Variants in COL6A2 observed in about 807,000 individuals in gnomAD.
COL6A2 encodes collagen alpha-2(VI) chain.
In COL6A2, 90 loss-of-function variants were observed where a neutral mutation model predicts 124.9. The observed-to-expected ratio is 0.72, with a 90% CI of 0.61 to 0.86. The LOEUF is 0.86. Ranked by LOEUF, COL6A2 falls within the 40% of genes least tolerant of loss-of-function variation. The pLI is 0.00. For missense variants in COL6A2, 1,607 were observed against 1,502.5 expected (o/e 1.07, Z -1.15); for synonymous variants, 793 against 618.2 (o/e 1.28, Z -4.19).
rs1163833370 is a variant in COL6A2 at position 46,116,147 on chromosome 21, G to C, written c.900+94G>C. 1.5e-6 allele frequency: 2 copies of C among 1,325,832 alleles called. No homozygotes were observed. The highest frequency in any genetic ancestry group is 2.1e-6 in the Non-Finnish European group (2 of 944,906). 82.1% of individuals were successfully genotyped at this position (1,325,832 alleles called of 1,614,324 possible). On this transcript the variant is annotated intron_variant, in intron 7 of 27. Coordinates refer to ENST00000300527, the MANE Select transcript of COL6A2 (RefSeq NM_001849.4). This position sits in a 1 kb window ranked among gnomAD's most constrained non-coding sequence, Gnocchi z 4.6. ...GCCCAGCCTCGGCCTCAGCCTCTAC[G>C]ACCCTCCCCCCAGTTACCAAGGAAC...
intron 27 of COL6A2, among the ~76,000 whole-genome samples, chr21:46,130,575 C>T (rs765544391): frequency 1.3e-5 from 2 of 151,922 alleles, no homozygotes; most frequent in Non-Finnish European, 1.5e-5. Context: ...ACAGACATCC[C>T]AACAGCCTCA....
At position 46,132,069 on chromosome 21, in the gene COL6A2, G is replaced by A. The variant is rs753551405; in HGVS notation, c.2577G>A (p.Val859=). 11 of 1,604,292 alleles carry A rather than the reference G, an allele frequency of 6.9e-6. No individual in the cohort carries two copies. The East Asian group carries it at 9.0e-5, about 13-fold the overall frequency. The stretch of plus-strand genomic sequence containing the variant: ...AGGCCCGGCGCTTCGTGGAGCAGGT[G>A]GCGCGGCGGCTGACGCTGGCCCGGA... The part of the protein sequence containing the change: ...FHKARRFVEQ[V]ARRLTLARRD... Residue 859 remains valine, a synonymous_variant, in exon 28 of 28, where the codon GTG becomes GTA. Coordinates refer to ENST00000300527, the MANE Select transcript of COL6A2 (RefSeq NM_001849.4).
chr21:46,100,980 C>G (rs2078282446), intron 1 of COL6A2, among the ~76,000 whole-genome samples: 1 of 152,160 alleles, frequency 6.6e-6, no homozygotes, highest in African/African-American at 2.4e-5. Context: ...CTCACTGTTT[C>G]CCACGGTGGC....
At chr21:46,118,708 A>T (rs775824199) in intron 13 of COL6A2, 32 bp downstream of exon 13, 5 of 1,593,378 alleles carry the variant, frequency 3.1e-6, no homozygotes, top group South Asian at 1.1e-5. Context: ...CCTGCAGCTG[A>T]GCTGGCCACA....
chr21:46,118,996 C>A (rs776673317), intron 13 of COL6A2, 34 bp from the exon 14 acceptor site: 2 of 1,519,078 alleles, frequency 1.3e-6, no homozygotes, highest in Non-Finnish European at 1.8e-6. Flanking sequence ...GGGCCCCTGC[C>A]TCTGGGTGAC....
chr21:46,105,580 G>C (rs2078327610), intron 1 of COL6A2, among the ~76,000 whole-genome samples: 1 of 152,134 alleles, frequency 6.6e-6, no homozygotes, highest in South Asian at 2.1e-4. Flanking sequence ...ATAACTAAAA[G>C]GGTTGGGGAC....
At chr21:46,129,792 C>A in intron 27 of COL6A2, 1 of 1,251,964 alleles carries the variant, frequency 8.0e-7, no homozygotes, top group Admixed American at 3.8e-5. Context: ...TCGCAAGACC[C>A]TTAACTCACT....
At chr21:46,131,875 G>T (rs1462469744) in intron 27 of COL6A2, 79 bp from the exon 28 acceptor site, 1 of 1,354,110 alleles carries the variant, frequency 7.4e-7, no homozygotes, top group Non-Finnish European at 1.0e-6. Context: ...GCGAATGGAA[G>T]GGCACAGGTG....
At chr21:46,113,675 C>A in intron 4 of COL6A2, 2 of 423,750 alleles carry the variant, frequency 4.7e-6, no homozygotes, top group South Asian at 2.2e-5. Context: ...TCCTCCCTGC[C>A]TCGGCCTACC....
In COL6A2 at chr21:46,117,883, G is replaced by A. The variant is rs794727061; in HGVS notation, c.1063G>A (p.Gly355Ser). 8 of 1,611,948 alleles carry A rather than the reference G, an allele frequency of 5.0e-6. No homozygotes were observed. Among genetic ancestry groups the A allele is most frequent in the Non-Finnish European group, 6.8e-6 (8 of 1,179,648 alleles). Residue 355 changes from glycine to serine, a missense_variant, in exon 12 of 28, where the codon GGT (glycine) becomes AGT (serine). By Grantham distance (56) the Gly-to-Ser change is moderately conservative (BLOSUM62 0). Coordinates refer to ENST00000300527, the MANE Select transcript of COL6A2 (RefSeq NM_001849.4). ...KGDPGNRGPD[G>S]YPGEAGSPGE... is the part of the protein sequence containing the mutation. ...CTCACTCCTCTCTCAGGGCCCCGAC[G>A]GTTACCCGGGGGAAGCAGGGAGTCC...
chr21:46,122,959 C>T (rs369154255), intron 21 of COL6A2, 22 bp downstream of exon 21: 10 of 1,610,436 alleles, frequency 6.2e-6, no homozygotes, highest in Non-Finnish European at 8.5e-6. Flanking sequence ...CGTCCCGAAG[C>T]CCACAGCAGC....
At chr21:46,101,021 A>G (rs1441456803) in intron 1 of COL6A2, among the ~76,000 whole-genome samples, 1 of 152,178 alleles carries the variant, frequency 6.6e-6, no homozygotes, top group Non-Finnish European at 1.5e-5. Flanking sequence ...CCAACAGTGC[A>G]CAAGGGTCCA....
In COL6A2 at chr21:46,112,036, C is replaced by T. The variant is rs1182740901; in HGVS notation, c.173C>T (p.Thr58Ile). ...YFVLDTSESVTMQSPTDILLF... is the reference protein window; with the variant it reads ...YFVLDTSESVIMQSPTDILLF... ...GTGCTGGACACCTCGGAGAGCGTCA[C>T]CATGCAGTCCCCCACGGACATCCTG... Residue 58 changes from threonine (T) to isoleucine (I), a missense_variant, in exon 3 of 28, where the codon ACC (threonine) becomes ATC (isoleucine). Thr to Ile is a moderately conservative substitution (Grantham distance 89). Around this residue, in one of 3 missense-constraint regions of COL6A2, gnomAD observed 342 missense variants for 381.5 expected, o/e 0.90. Coordinates refer to ENST00000300527, the MANE Select transcript of COL6A2 (RefSeq NM_001849.4). 1.9e-6 allele frequency: 3 copies of T among 1,612,896 alleles called. No individual in the cohort carries two copies. Among genetic ancestry groups the T allele is most frequent in the Non-Finnish European group, 2.5e-6 (3 of 1,180,028 alleles).
rs139399166 is a variant in COL6A2 at position 46,116,803 on chromosome 21, G to A, written c.988G>A (p.Asp330Asn). 4.9e-4 allele frequency: 788 copies of A among 1,612,912 alleles called. No individual in the cohort carries two copies. Among genetic ancestry groups the A allele is most frequent in the Non-Finnish European group, 6.3e-4 (745 of 1,179,992 alleles). ...APGLAGKNGT[D>N]GQKGKLGRIG... ...TGGCCTGGCTGGCAAGAACGGGACC[G>A]ATGGACAGAAGGTAGAGGGAGCCTC... The change falls in exon 10 of 28, where the codon GAT (aspartate) becomes AAT (asparagine). Residue 330 changes from aspartate to asparagine, a missense_variant. Around this residue, in one of 3 missense-constraint regions of COL6A2, gnomAD observed 1,223 missense variants for 1,052.2 expected, o/e 1.16. Transcript: ENST00000300527. This position sits in a 1 kb window ranked among gnomAD's most constrained non-coding sequence, Gnocchi z 4.6.
intron 1 of COL6A2, among the ~76,000 whole-genome samples, chr21:46,106,863 C>G (rs539616431): frequency 6.6e-6 from 1 of 152,358 alleles, no homozygotes; most frequent in East Asian, 1.9e-4. Flanking sequence ...CTCAACTCTT[C>G]TTGCTTTTTC....
rs1051148162 is a variant in COL6A2, at chr21:46,132,521, T to C, written c.3029T>C (p.Phe1010Ser). The change falls in exon 28 of 28, where the codon TTC (phenylalanine) becomes TCC (serine). Residue 1010 changes from phenylalanine (F) to serine (S), a missense_variant. This residue lies in a region of COL6A2 where 1,223 missense variants were observed against 1,052.2 expected (regional missense o/e 1.16). Coordinates refer to ENST00000300527, the MANE Select transcript of COL6A2 (RefSeq NM_001849.4). ...TATGACAGCCTGGCGCAACCCGGCT[T>C]CTTCGACCGCTTCATCCGCTGGATC... is the stretch of plus-strand genomic sequence containing the variant. ...KDYDSLAQPG[F>S]FDRFIRWIC 6.2e-7 allele frequency: 1 copy of C among 1,606,096 alleles called. No homozygotes were observed. Among genetic ancestry groups the C allele is most frequent in the African/African-American group, 1.3e-5 (1 of 75,010 alleles).
At chr21:46,117,332 C>A in intron 10 of COL6A2, 68 bp from the exon 11 acceptor site, 1 of 1,508,146 alleles carries the variant, frequency 6.6e-7, no homozygotes, top group Non-Finnish European at 9.1e-7. Flanking sequence ...TGGGCTGTGT[C>A]TTGGTCGTTG....
intron 23 of COL6A2, 131 bp downstream of exon 23, chr21:46,125,051 T>C: frequency 7.9e-7 from 1 of 1,262,252 alleles, no homozygotes; most frequent in East Asian, 2.4e-5. Context: ...GAGGGCAAGG[T>C]CAGAGAGCAA....
intron 16 of COL6A2, among the ~76,000 whole-genome samples, 199 bp downstream of exon 16, chr21:46,120,776 A>G (rs543509609): frequency 1.3e-5 from 2 of 151,554 alleles, no homozygotes; most frequent in Admixed American, 1.3e-4. Context: ...CCCCAAGGTA[A>G]GGGACCAAGG....
Sources: gnomAD v4.1 joint callset for allele counts (sites outside exome capture counted in the v4.1 genomes callset) on GRCh38, gnomAD v4.1.1 for gene constraint, gnomAD v4.1.1 regional missense constraint, Gnocchi (gnomAD v3.1) non-coding constraint, MANE v1.5 for transcripts, NCBI Gene and HGNC (gene_info 2026-07-23, HGNC 2026-07-21) for gene names.